The following CRYAB variants were observed in gnomAD, a reference collection of about 807,000 sequenced individuals.
CRYAB encodes alpha-crystallin B chain.
CRYAB carries 9 observed loss-of-function variants against 12.7 expected under a neutral mutation model. That is an observed-to-expected ratio of 0.71 (90% CI 0.43 to 1.24). The LOEUF is 1.24. CRYAB is among the 50% of genes most tolerant of loss of function. CRYAB has a pLI of 0.00. For missense variants in CRYAB, 183 were observed against 226.6 expected (o/e 0.81, Z 1.24); for synonymous variants, 93 against 86.8 (o/e 1.07, Z -0.40).
At chr11:111,913,878 G>A (rs146155375), upstream of CRYAB, 35 of 1,609,594 alleles carry the variant, frequency 2.2e-5, no homozygotes, top group African/African-American at 3.5e-4. Flanking sequence ...GGAGGAGGCA[G>A]CCATAGTTGA....
chr11:111,910,203 C>T (rs1555165379), intron 2 of CRYAB, 124 bp downstream of exon 2: 1 of 1,199,520 alleles, frequency 8.3e-7, no homozygotes, highest in Admixed American at 1.7e-5. Context: ...ATTTGTAACC[C>T]CTGATCCCGA....
chr11:111,910,621 AC>A, intron 1 of CRYAB, 172 bp from the exon 2 acceptor site: 1 of 802,552 alleles, frequency 1.2e-6, no homozygotes, highest in Non-Finnish European at 2.0e-6. Context: ...TCAGGGAGCC[AC>A]CACAGTGATA....
upstream of CRYAB, chr11:111,912,689 C>T: frequency 5.6e-6 from 3 of 535,176 alleles, no homozygotes; most frequent in South Asian, 3.9e-5. Context: ...CCTCCCCCCC[C>T]AAGAGGCTCG....
chr11:111,923,091 C>T (rs1965726338), intron 1 of CRYAB, among the ~76,000 whole-genome samples: 2 of 152,076 alleles, frequency 1.3e-5, no homozygotes, highest in South Asian at 4.1e-4. Context: ...TTTCTGTATC[C>T]ATTTAAATAA....
chr11:111,918,613 C>T (rs1434280162), intron 1 of CRYAB: 4 of 658,742 alleles, frequency 6.1e-6, no homozygotes, highest in Non-Finnish European at 1.1e-5. Context: ...GGATATATTT[C>T]AAAGACAGAG....
chr11:111,909,856 A>T (rs1197641265), intron 2 of CRYAB: 1 of 407,432 alleles, frequency 2.5e-6, no homozygotes, highest in Non-Finnish European at 4.5e-6. Context: ...TGACAGCCCT[A>T]TACCTAATCA....
At chr11:111,919,097 C>A in intron 1 of CRYAB, 2 of 1,390,732 alleles carry the variant, frequency 1.4e-6, no homozygotes, top group South Asian at 1.2e-5. Flanking sequence ...AGTTGTCTGC[C>A]AGCCTCCCAC....
upstream of CRYAB, chr11:111,911,814 G>A (rs953160556): frequency 2.1e-5 from 18 of 868,328 alleles, no homozygotes; most frequent in Admixed American, 1.3e-4. Context: ...GTCTTGTGAA[G>A]CTTCTGGAAT....
rs782366958 is a variant in CRYAB at position 111,911,507 on chromosome 11, G to A, written c.201+17C>T. The A allele has an allele frequency of 1.9e-6, 3 of 1,601,412 alleles. No individual in the cohort carries two copies. Among genetic ancestry groups the A allele is most frequent in the Non-Finnish European group, 2.6e-6 (3 of 1,174,292 alleles). On this transcript the variant is annotated intron_variant, in intron 1 of 2. Coordinates refer to ENST00000650687, the MANE Select transcript of CRYAB (RefSeq NM_001289808.2). Reference sequence around the variant, plus strand: ...TTCCAGTAAGGACTCTCCCGTCCTAGCTGTGGGGAGACTCACCTCTGAGAG... The same window carrying A: ...TTCCAGTAAGGACTCTCCCGTCCTAACTGTGGGGAGACTCACCTCTGAGAG...
upstream of CRYAB, chr11:111,913,240 TC>T: frequency 1.7e-6 from 1 of 571,570 alleles, no homozygotes; most frequent in Admixed American, 3.1e-5. Context: ...CTCCTCCTCC[TC>T]CTCCCTTTCC....
At chr11:111,916,291 T>C (rs782158675), upstream of CRYAB, among the ~76,000 whole-genome samples, 1 of 151,044 alleles carries the variant, frequency 6.6e-6, no homozygotes, top group Non-Finnish European at 1.5e-5. Flanking sequence ...TGTACAGTGG[T>C]GTCATCTCCC....
chr11:111,909,045 T>G, intron 2 of CRYAB, 78 bp from the exon 3 acceptor site: 1 of 1,463,128 alleles, frequency 6.8e-7, no homozygotes, highest in South Asian at 1.2e-5. Flanking sequence ...TCAGGCATCC[T>G]GATTTCCCCT....
At chr11:111,922,340 A>G (rs1307281570) in intron 1 of CRYAB, among the ~76,000 whole-genome samples, 11 of 152,228 alleles carry the variant, frequency 7.2e-5, no homozygotes, top group Admixed American at 5.9e-4. Flanking sequence ...TGTTATCTCA[A>G]TAAACCTCCA....
chr11:111,912,240 A>AAC (rs1965485048), upstream of CRYAB: 1 of 190,988 alleles, frequency 5.2e-6, no homozygotes, highest in African/African-American at 2.3e-5. Context: ...GGAAGAGAGC[A>AAC]GTGATGGTCA....
chr11:111,913,872 G>T (rs1965552561), upstream of CRYAB: 4 of 1,611,226 alleles, frequency 2.5e-6, no homozygotes, highest in Middle Eastern at 3.3e-4. Context: ...GGAAGAGGAG[G>T]AGGCAGCCAT....
rs876657766 is a variant in CRYAB at position 111,908,939 on chromosome 11, A to C, written c.353T>G (p.Phe118Cys). The C allele has an allele frequency of 1.9e-6, 3 of 1,613,958 alleles. No homozygotes were observed. Among genetic ancestry groups the C allele is most frequent in the Non-Finnish European group, 2.5e-6 (3 of 1,180,018 alleles). ...QDEHGFISRE[F>C]HRKYRIPADV... is the part of the protein sequence containing the mutation. ...AGCTGGGATCCGGTATTTCCTGTGG[A>C]ACTCCCTGGAGATGAAACCATGTTC... Residue 118 changes from phenylalanine to cysteine, a missense_variant, in exon 3 of 3, where the codon TTC becomes TGC. Around this residue, in one of 3 missense-constraint regions of CRYAB, gnomAD observed 95 missense variants for 112.5 expected, o/e 0.84. Coordinates refer to ENST00000650687, the MANE Select transcript of CRYAB (RefSeq NM_001289808.2).
chr11:111,918,714 G>A (rs1555166263), intron 1 of CRYAB: 1 of 683,948 alleles, frequency 1.5e-6, no homozygotes, highest in African/African-American at 1.8e-5. Context: ...CAAGTTCATG[G>A]CTTCATCAAA....
upstream of CRYAB, chr11:111,913,085 T>A: frequency 1.6e-6 from 1 of 625,528 alleles, no homozygotes; most frequent in Non-Finnish European, 2.9e-6. Context: ...CAAGCAGAGA[T>A]CTTTCCCATT....
rs80015283 is a variant in CRYAB, at chr11:111,909,969, G to A, written c.324+358C>T. On this transcript the variant is annotated intron_variant, in intron 2 of 2. Coordinates refer to ENST00000650687, the MANE Select transcript of CRYAB (RefSeq NM_001289808.2). The stretch of plus-strand genomic sequence containing the variant: ...ATTTAATTGGTCTGGAGTAGTGCTC[G>A]CTTCGGCAGCACATATGCTAATTGG... 5.7e-3 allele frequency: 3,352 copies of A among 592,248 alleles called. 22 individuals are homozygous for A. Among genetic ancestry groups the A allele is most frequent in the African/African-American group, 0.019 (1,008 of 53,822 alleles). The allele number at this position is 592,248 out of a possible 1,614,324, so 36.7% of individuals were successfully genotyped here.
Sources: allele counts gnomAD v4.1 joint callset (sites outside exome capture counted in the v4.1 genomes callset), GRCh38; gene constraint gnomAD v4.1.1; regional missense constraint gnomAD v4.1.1; transcripts MANE v1.5; gene names NCBI Gene and HGNC (gene_info 2026-07-23, HGNC 2026-07-21).